The following EIF4G3 variants were observed in gnomAD, a reference collection of about 807,000 sequenced individuals.
EIF4G3 encodes the protein eukaryotic translation initiation factor 4 gamma 3.
Under a neutral mutation model 186.4 loss-of-function variants are expected in EIF4G3, and 34 were observed. The ratio of observed to expected loss-of-function variants is 0.18; its 90% confidence interval spans 0.14 to 0.24. EIF4G3 has a LOEUF of 0.24. Among genes scored for constraint, EIF4G3 ranks in the 10% least tolerant of loss-of-function variants. EIF4G3 has a pLI of 1.00. For missense variants in EIF4G3, 1,536 were observed against 1,948.5 expected (o/e 0.79, Z 3.99); for synonymous variants, 673 against 679.5 (o/e 0.99, Z 0.15).
intron 2 of EIF4G3, among the ~76,000 whole-genome samples, chr1:21,167,340 CTTCA>C (rs1250403541): frequency 2.0e-5 from 3 of 152,082 alleles, no homozygotes; most frequent in East Asian, 1.9e-4. Context: ...TTCCTCCTTC[CTTCA>C]ATCACTCCTC....
At chr1:20,987,694 G>A (rs538257196) in intron 7 of EIF4G3, among the ~76,000 whole-genome samples, 21 of 151,994 alleles carry the variant, frequency 1.4e-4, no homozygotes, top group Non-Finnish European at 2.5e-4. Context: ...TTGTCCCCCC[G>A]CCTCTCCCAT....
At chr1:20,834,417 G>A (rs1251803903) in intron 30 of EIF4G3, among the ~76,000 whole-genome samples, 1 of 152,160 alleles carries the variant, frequency 6.6e-6, no homozygotes, top group Non-Finnish European at 1.5e-5. Context: ...CAGCCTGGGT[G>A]AGAGAGTGTG....
chr1:20,941,688 G>A lies in EIF4G3; in HGVS notation c.1466C>T (p.Pro489Leu), dbSNP rs779630794. 2.5e-6 allele frequency: 4 copies of A among 1,613,296 alleles called. No individual in the cohort carries two copies. Among genetic ancestry groups the A allele is most frequent in the African/African-American group, 1.3e-5 (1 of 75,004 alleles). Residue 489 changes from proline (P) to leucine (L), a missense_variant, in exon 14 of 37, where the codon CCT becomes CTT. This residue lies in a region of EIF4G3 where 560 missense variants were observed against 547.8 expected (regional missense o/e 1.02). Transcript: ENST00000602326. ...ASPPHTPVIV[P>L]AAATTVSSPS... ...AGAACTAACAGTAGTGGCAGCAGCA[G>A]GAACAATGACTGGAGTGTGAGGAGG...
At chr1:21,016,648 G>T (rs1484867333) in intron 4 of EIF4G3, among the ~76,000 whole-genome samples, 2 of 149,936 alleles carry the variant, frequency 1.3e-5, no homozygotes, top group African/African-American at 4.9e-5. Flanking sequence ...GACAGTATGA[G>T]ACCCTGTCTT....
At chr1:20,995,909 G>A (rs1011305013) in intron 7 of EIF4G3, among the ~76,000 whole-genome samples, 1 of 152,062 alleles carries the variant, frequency 6.6e-6, no homozygotes, top group Non-Finnish European at 1.5e-5. Flanking sequence ...AAACGTTTTT[G>A]CCCTAATTCC....
At chr1:21,079,702 A>C (rs953079789) in intron 3 of EIF4G3, among the ~76,000 whole-genome samples, 1 of 151,636 alleles carries the variant, frequency 6.6e-6, no homozygotes, top group East Asian at 1.9e-4. Flanking sequence ...AAAAAAAAAA[A>C]ACTCATGAAA....
Position 20,810,839 on chromosome 1 carries a change from C to T in EIF4G3, c.4643G>A (p.Arg1548Lys). 1 of 1,614,120 alleles carries T rather than the reference C, an allele frequency of 6.2e-7. No individual in the cohort carries two copies. The highest frequency in any genetic ancestry group is 8.5e-7 in the Non-Finnish European group (1 of 1,179,990). ...TAGGTACTTGAGTAAGATCGGCACT[C>T]TCTGCTTGATAACAGCAGTGTCCAC... ...FRVDTAVIKQRVPILLKYLDS... is the reference protein window; with the variant it reads ...FRVDTAVIKQKVPILLKYLDS... Residue 1548 changes from arginine to lysine, a missense_variant, in exon 36 of 37, where the codon AGA (arginine) becomes AAA (lysine). This residue lies in a region of EIF4G3 where 395 missense variants were observed against 498.9 expected (regional missense o/e 0.79). Transcript: ENST00000602326. The surrounding 1 kb of genome is among the most constrained non-coding windows in gnomAD (Gnocchi z 4.1).
intron 27 of EIF4G3, among the ~76,000 whole-genome samples, chr1:20,852,968 C>G (rs1022788918): frequency 2.0e-5 from 3 of 151,534 alleles, no homozygotes; most frequent in African/African-American, 7.3e-5. Flanking sequence ...GATGCCATCT[C>G]TAAAAAATAA....
At chr1:21,147,051 AG>A (rs1157357032) in intron 2 of EIF4G3, among the ~76,000 whole-genome samples, 1 of 151,984 alleles carries the variant, frequency 6.6e-6, no homozygotes, top group Non-Finnish European at 1.5e-5. Context: ...TCACGAGGTC[AG>A]GAGTTCAAGA....
chr1:20,988,199 A>C (rs1386106408), intron 7 of EIF4G3: 1 of 166,288 alleles, frequency 6.0e-6, no homozygotes, highest in South Asian at 2.0e-4. Context: ...CATAACATGA[A>C]AGTGCAAGGT....
At chr1:21,094,298 G>A (rs2096290180) in intron 2 of EIF4G3, among the ~76,000 whole-genome samples, 2 of 151,888 alleles carry the variant, frequency 1.3e-5, no homozygotes, top group African/African-American at 4.8e-5. Flanking sequence ...AAATCATGCT[G>A]CTATAAAGAC....
chr1:20,827,187 T>C (rs546952168), intron 32 of EIF4G3, among the ~76,000 whole-genome samples: 197 of 152,294 alleles, frequency 1.3e-3, no homozygotes, highest in African/African-American at 4.5e-3. Flanking sequence ...CCCAAACCTC[T>C]TAGACTTCTA....
chr1:20,862,626 T>C (rs373212018), intron 22 of EIF4G3, among the ~76,000 whole-genome samples: 2 of 152,298 alleles, frequency 1.3e-5, no homozygotes, highest in African/African-American at 4.8e-5. Flanking sequence ...TTGCTCAGGC[T>C]GGTCTTGAAC....
chr1:20,951,876 A>T (rs886179187), intron 12 of EIF4G3, among the ~76,000 whole-genome samples: 8 of 152,210 alleles, frequency 5.3e-5, no homozygotes, highest in African/African-American at 1.9e-4. Context: ...ACCTTCAATC[A>T]TATAAAAGAT....
chr1:21,066,619 T>G (rs2095252595), intron 3 of EIF4G3, among the ~76,000 whole-genome samples: 1 of 152,196 alleles, frequency 6.6e-6, no homozygotes, highest in Non-Finnish European at 1.5e-5. Flanking sequence ...GACAGCCAGA[T>G]GTGCTTTTAA....
chr1:21,168,569 T>A (rs891892411), intron 2 of EIF4G3, among the ~76,000 whole-genome samples: 1 of 151,818 alleles, frequency 6.6e-6, no homozygotes, highest in Admixed American at 6.6e-5. Context: ...ACTACAGGCA[T>A]GCACTGCCAC....
chr1:20,998,945 A>T, intron 6 of EIF4G3: 1 of 266,004 alleles, frequency 3.8e-6, no homozygotes, highest in South Asian at 3.5e-5. Flanking sequence ...GATGAATTAG[A>T]TTGAAGATTA....
chr1:21,044,065 A>G (rs1243392509), intron 4 of EIF4G3, among the ~76,000 whole-genome samples: 1 of 152,210 alleles, frequency 6.6e-6, no homozygotes, highest in African/African-American at 2.4e-5. Flanking sequence ...CAATTAGAAA[A>G]GCCTACCATG....
At chr1:21,047,501 T>C (rs554822433) in intron 4 of EIF4G3, among the ~76,000 whole-genome samples, 4 of 152,314 alleles carry the variant, frequency 2.6e-5, no homozygotes, top group Middle Eastern at 3.4e-3. Flanking sequence ...TCTAAGACTA[T>C]TGTAATTTGG....
Sources: allele counts gnomAD v4.1 joint callset (sites outside exome capture counted in the v4.1 genomes callset), GRCh38; gene constraint gnomAD v4.1.1; regional missense constraint gnomAD v4.1.1; non-coding constraint Gnocchi (gnomAD v3.1); transcripts MANE v1.5; gene names NCBI Gene and HGNC (gene_info 2026-07-23, HGNC 2026-07-21).